PCDHA7: variants seen among roughly 807,000 people sequenced by gnomAD.
PCDHA7 encodes protocadherin alpha 7.
PCDHA7 carries 37 observed loss-of-function variants against 57.2 expected under a neutral mutation model. The observed-to-expected ratio is 0.65, with a 90% CI of 0.50 to 0.85. PCDHA7 has a LOEUF of 0.85. Among genes scored for constraint, PCDHA7 ranks in the 40% least tolerant of loss-of-function variants. The pLI is 0.00. For synonymous variants in PCDHA7, 553 were observed against 558.8 expected (o/e 0.99, Z 0.15); for missense variants, 1,188 against 1,241.8 (o/e 0.96, Z 0.65).
intron 1 of PCDHA7, chr5:140,969,388 A>G: frequency 6.3e-7 from 1 of 1,595,066 alleles, no homozygotes; most frequent in Non-Finnish European, 8.5e-7. Flanking sequence ...CACATCCCCC[A>G]ATATCCTGTG....
At chr5:140,996,503 G>A (rs1306027159) in intron 3 of PCDHA7, among the ~76,000 whole-genome samples, 1 of 152,120 alleles carries the variant, frequency 6.6e-6, no homozygotes, top group African/African-American at 2.4e-5. Context: ...TGGCTTCTTG[G>A]GGCCCAGCAT....
intron 3 of PCDHA7, among the ~76,000 whole-genome samples, chr5:140,994,878 A>G (rs1034578696): frequency 2.0e-5 from 3 of 152,170 alleles, no homozygotes; most frequent in Non-Finnish European, 4.4e-5. Context: ...GAATAAAGAG[A>G]TGTTAGGAAA....
In PCDHA7 at chr5:140,835,454, C is replaced by T. The variant is rs782148594; in HGVS notation, c.1071C>T (p.Leu357=). 2.5e-6 allele frequency: 4 copies of T among 1,613,928 alleles called. No individual in the cohort carries two copies. Among genetic ancestry groups the T allele is most frequent in the Non-Finnish European group, 3.4e-6 (4 of 1,179,872 alleles). Residue 357 remains leucine, a synonymous_variant, in exon 1 of 4, where the codon CTC becomes CTT. Transcript: ENST00000525929. ...APQLTLTSLS[L]PIPEDAQPGT... is the part of the protein sequence containing the mutation. Reference sequence around the variant, plus strand: ...AGTTGACTCTCACTTCCCTGTCTCTCCCTATTCCAGAGGACGCCCAACCAG... The same window carrying T: ...AGTTGACTCTCACTTCCCTGTCTCTTCCTATTCCAGAGGACGCCCAACCAG...
rs1413393487 is a variant in PCDHA7, at chr5:140,941,341, G to T, written c.2356-37608G>T. On this transcript the variant is annotated intron_variant, in intron 1 of 3. Coordinates refer to ENST00000525929, the MANE Select transcript of PCDHA7 (RefSeq NM_018910.3). ...TCTCTTTTTTTTTTTTTTTCAGATG[G>T]AGTCTTGCTCTGTTGCCTAGGCTGG... Among the ~76,000 whole-genome samples the T allele has an allele frequency of 2.5e-5, 3 of 119,500 alleles. No homozygotes were observed. The East Asian group carries it at 8.2e-4, about 33-fold the overall frequency. 78.4% of individuals were successfully genotyped at this position (119,500 alleles called of 152,430 possible).
At chr5:140,843,626 C>G (rs1779006743) in intron 1 of PCDHA7, 2 of 1,596,058 alleles carry the variant, frequency 1.3e-6, no homozygotes, top group East Asian at 4.5e-5. Context: ...GAAGACGGAC[C>G]TCATGGCCTT....
chr5:140,977,464 T>C (rs1245985019), intron 1 of PCDHA7, among the ~76,000 whole-genome samples: 1 of 152,256 alleles, frequency 6.6e-6, no homozygotes, highest in Non-Finnish European at 1.5e-5. Flanking sequence ...TGATTTGGTC[T>C]GTAGATAATT....
chr5:141,008,679 T>C (rs950831628), intron 3 of PCDHA7, among the ~76,000 whole-genome samples: 4 of 152,238 alleles, frequency 2.6e-5, no homozygotes, highest in South Asian at 4.1e-4. Context: ...TATACTTTAG[T>C]TATTGCATGT....
intron 1 of PCDHA7, chr5:140,856,840 C>G: frequency 6.3e-7 from 1 of 1,591,894 alleles, no homozygotes; most frequent in Non-Finnish European, 8.6e-7. Flanking sequence ...TACGGCTCAA[C>G]GCTTCTGATT....
At chr5:140,898,112 G>A (rs1308883558) in intron 1 of PCDHA7, among the ~76,000 whole-genome samples, 1 of 152,046 alleles carries the variant, frequency 6.6e-6, no homozygotes, top group African/African-American at 2.4e-5. Flanking sequence ...TGAGTAGGTT[G>A]CGAAAATTTT....
At chr5:140,852,582 A>ATT (rs2150518947) in intron 1 of PCDHA7, 15,949 of 691,778 alleles carry the variant, frequency 0.023, 320 homozygotes, top group Middle Eastern at 0.03. Context: ...AGGCTTTTTT[A>ATT]TTTTTTTTTT....
At chr5:140,920,294 A>T (rs1554199563) in intron 1 of PCDHA7, among the ~76,000 whole-genome samples, 9 of 152,206 alleles carry the variant, frequency 5.9e-5, no homozygotes. Context: ...TTTTAGAGGC[A>T]CTAAGAGAAA....
intron 1 of PCDHA7, chr5:140,875,748 C>T (rs2055764549): frequency 6.2e-7 from 1 of 1,614,078 alleles, no homozygotes; most frequent in South Asian, 1.1e-5. Flanking sequence ...GGATCGACCG[C>T]GAGAAGCTGT....
intron 1 of PCDHA7, among the ~76,000 whole-genome samples, chr5:140,917,830 G>A (rs2078377355): frequency 6.6e-6 from 1 of 151,722 alleles, no homozygotes; most frequent in Admixed American, 6.6e-5. Flanking sequence ...GTAGTGTGAT[G>A]TCCTTCTTGT....
At chr5:140,968,322 C>T (rs782755782) in intron 1 of PCDHA7, 9 of 1,614,122 alleles carry the variant, frequency 5.6e-6, no homozygotes, top group Non-Finnish European at 6.8e-6. Context: ...CTGCCAGTCA[C>T]CTCCTATGTC....
rs2150227413 is a variant in PCDHA7 at position 140,834,821 on chromosome 5, G to A, written c.438G>A (p.Arg146=). ...GGAATCTGTTCATCGCGGAATCCAG[G>A]CCGCTTGACTCTCGGTTTCCACTAG... ...TQRNLFIAES[R]PLDSRFPLEG... is the part of the protein sequence containing the mutation. Residue 146 remains arginine, a synonymous_variant, in exon 1 of 4, where the codon AGG becomes AGA. Coordinates refer to ENST00000525929, the MANE Select transcript of PCDHA7 (RefSeq NM_018910.3). 167 of 1,612,344 alleles carry A rather than the reference G, an allele frequency of 1.0e-4. No homozygotes were observed. The East Asian group carries it at 3.7e-3, about 36-fold the overall frequency.
At chr5:140,870,293 T>C in intron 1 of PCDHA7, 1 of 1,614,182 alleles carries the variant, frequency 6.2e-7, no homozygotes, top group Non-Finnish European at 8.5e-7. Context: ...TTCAAGCTGG[T>C]GTCCACCTTC....
At position 140,843,090 on chromosome 5, in the gene PCDHA7, T is replaced by A; in HGVS notation, c.2355+6352T>A. The A allele has an allele frequency of 2.5e-6, 4 of 1,595,448 alleles. 1 individual carries two copies. The highest frequency in any genetic ancestry group is 3.4e-6 in the Non-Finnish European group (4 of 1,165,354). ...CCGCGGTCTGTGGGCGCGGGCCACGTGGTAGCGAAGGTGCGCGCAGTGGAC... is the reference window on the plus strand; with the variant it reads ...CCGCGGTCTGTGGGCGCGGGCCACGAGGTAGCGAAGGTGCGCGCAGTGGAC... On this transcript the variant is annotated intron_variant, in intron 1 of 3. Transcript: ENST00000525929.
intron 1 of PCDHA7, chr5:140,843,887 A>G: frequency 1.4e-6 from 1 of 705,148 alleles, no homozygotes. Context: ...ATAATACAGT[A>G]TTAATCATTC....
intron 1 of PCDHA7, among the ~76,000 whole-genome samples, chr5:140,912,343 A>ATT (rs35252606): frequency 2.1e-4 from 30 of 143,908 alleles, no homozygotes; most frequent in African/African-American, 6.1e-4. Context: ...TACACTAAGT[A>ATT]TTTTTTTTTT....
Sources: allele counts gnomAD v4.1 joint callset (sites outside exome capture counted in the v4.1 genomes callset), GRCh38; gene constraint gnomAD v4.1.1; transcripts MANE v1.5; gene names NCBI Gene and HGNC (gene_info 2026-07-23, HGNC 2026-07-21).